NT5DC1: variants seen among roughly 807,000 people sequenced by gnomAD.
NT5DC1 encodes 5'-nucleotidase domain-containing protein 1.
A neutral mutation model predicts 59.4 loss-of-function variants in NT5DC1; 42 were observed. The observed-to-expected ratio is 0.71, with a 90% CI of 0.55 to 0.92. NT5DC1 has a LOEUF of 0.92. Ranked by LOEUF, NT5DC1 falls within the 40% of genes least tolerant of loss-of-function variation. The probability of loss-of-function intolerance (pLI) is 0.00; values close to 1 mark genes in which losing one functional copy is unlikely to be tolerated. For synonymous variants in NT5DC1, 172 were observed against 188.1 expected, an observed-to-expected ratio of 0.91 and a Z score of 0.70; for missense variants, 501 against 537.1, an observed-to-expected ratio of 0.93 and a Z score of 0.66.
rs536698025 is a variant in NT5DC1 at position 116,234,399 on chromosome 6, G to A, written c.803-2567G>A. Among the ~76,000 whole-genome samples the A allele has an allele frequency of 9.2e-5, 14 of 152,200 alleles. No homozygotes were observed. In the East Asian group the frequency reaches 2.7e-3, roughly 29 times the overall value. On this transcript the variant is annotated intron_variant, in intron 8 of 11. Transcript: ENST00000319550. ...TCTGTCACCCAGTGGGGAGTGTGGT[G>A]ACATGATCTCGGCTCACTGAAACCT... is the stretch of plus-strand genomic sequence containing the variant.
At chr6:116,243,520 T>C (rs149847570) in intron 11 of NT5DC1, among the ~76,000 whole-genome samples, 7 of 152,336 alleles carry the variant, frequency 4.6e-5, no homozygotes, top group Non-Finnish European at 8.8e-5. Flanking sequence ...AGAATAAAAT[T>C]AAATTGTTTT....
chr6:116,104,506 T>A (rs1778732664), intron 1 of NT5DC1, among the ~76,000 whole-genome samples: 1 of 152,230 alleles, frequency 6.6e-6, no homozygotes, highest in Non-Finnish European at 1.5e-5. Context: ...AATTGTTAAC[T>A]ATTCAGGAAT....
intron 6 of NT5DC1, among the ~76,000 whole-genome samples, chr6:116,154,972 T>C (rs1780147832): frequency 6.6e-6 from 1 of 152,312 alleles, no homozygotes; most frequent in East Asian, 1.9e-4. Context: ...AACCACATTG[T>C]TCTTTCTGTT....
intron 4 of NT5DC1, among the ~76,000 whole-genome samples, chr6:116,112,386 A>G (rs1056788708): frequency 4.6e-5 from 7 of 152,206 alleles, no homozygotes; most frequent in Admixed American, 1.3e-4. Context: ...CCACAGCCCA[A>G]TTAAAGTTTG....
At chr6:116,118,236 T>C in intron 6 of NT5DC1, 1 of 405,600 alleles carries the variant, frequency 2.5e-6, no homozygotes, top group Non-Finnish European at 4.5e-6. Flanking sequence ...TTTTGCTTTT[T>C]CATGGCCTGG....
intron 8 of NT5DC1, among the ~76,000 whole-genome samples, chr6:116,226,970 T>TG (rs1781923323): frequency 1.3e-5 from 2 of 152,174 alleles, no homozygotes; most frequent in African/African-American, 4.8e-5. Flanking sequence ...TTATCATTTT[T>TG]TGTGTGTGTG....
intron 6 of NT5DC1, among the ~76,000 whole-genome samples, chr6:116,192,905 A>C (rs1434230090): frequency 6.6e-6 from 1 of 152,018 alleles, no homozygotes; most frequent in East Asian, 1.9e-4. Flanking sequence ...AGCAGACCCC[A>C]GTTGTCCTGA....
chr6:116,210,037 G>A (rs923429111), intron 6 of NT5DC1, among the ~76,000 whole-genome samples: 1 of 151,976 alleles, frequency 6.6e-6, no homozygotes, highest in Non-Finnish European at 1.5e-5. Flanking sequence ...AGCAAAATAT[G>A]TGGTGGCTAC....
chr6:116,236,423 C>T (rs1367064727), intron 8 of NT5DC1, among the ~76,000 whole-genome samples: 5 of 152,140 alleles, frequency 3.3e-5, no homozygotes, highest in African/African-American at 1.2e-4. Context: ...GAGAGGACAA[C>T]TTGGAATGGT....
chr6:116,133,133 A>G (rs1779509877), intron 6 of NT5DC1, among the ~76,000 whole-genome samples: 1 of 152,220 alleles, frequency 6.6e-6, no homozygotes, highest in Non-Finnish European at 1.5e-5. Context: ...TGAAGAGCTC[A>G]TAGTTTCGTG....
At chr6:116,218,393 T>A (rs932823377) in intron 6 of NT5DC1, among the ~76,000 whole-genome samples, 1 of 152,116 alleles carries the variant, frequency 6.6e-6, no homozygotes. Flanking sequence ...ACACTATAAA[T>A]TTTTTTCTTA....
intron 6 of NT5DC1, among the ~76,000 whole-genome samples, chr6:116,200,566 A>C (rs1365593112): frequency 6.6e-6 from 1 of 152,070 alleles, no homozygotes; most frequent in Non-Finnish European, 1.5e-5. Context: ...TATTTTAAAA[A>C]GCATAGCTAA....
At chr6:116,168,636 T>C (rs1780533816) in intron 6 of NT5DC1, among the ~76,000 whole-genome samples, 1 of 152,134 alleles carries the variant, frequency 6.6e-6, no homozygotes, top group Non-Finnish European at 1.5e-5. Flanking sequence ...TGATTGTTTG[T>C]TTTGTTTTTA....
At chr6:116,135,028 T>G (rs2114342682) in intron 6 of NT5DC1, among the ~76,000 whole-genome samples, 1 of 152,284 alleles carries the variant, frequency 6.6e-6, no homozygotes, top group East Asian at 1.9e-4. Flanking sequence ...ACTTTCCCAT[T>G]ATCTTTTACT....
At chr6:116,234,754 TA>T (rs766818976) in intron 8 of NT5DC1, among the ~76,000 whole-genome samples, 4 of 152,248 alleles carry the variant, frequency 2.6e-5, no homozygotes, top group Non-Finnish European at 5.9e-5. Context: ...TTTGGGTTTA[TA>T]AACACTGTGC....
At chr6:116,232,766 T>C (rs1782043370) in intron 8 of NT5DC1, among the ~76,000 whole-genome samples, 1 of 152,154 alleles carries the variant, frequency 6.6e-6, no homozygotes, top group East Asian at 1.9e-4. Flanking sequence ...GTCAAAAACT[T>C]TACTGTTTTT....
chr6:116,213,415 C>T (rs1205687401), intron 6 of NT5DC1, among the ~76,000 whole-genome samples: 1 of 152,120 alleles, frequency 6.6e-6, no homozygotes, highest in Non-Finnish European at 1.5e-5. Context: ...TGGCACATGA[C>T]TTCCAACAGG....
chr6:116,238,256 G>C lies in NT5DC1; in HGVS notation c.991G>C (p.Val331Leu). ...PARHYSNWET[V>L]LILEELRGDE... ...TCGTCACTATAGTAATTGGGAGACA[G>C]TCCTCATCCTGGAAGAACTCAGAGG... The change falls in exon 10 of 12, where the codon GTC (valine) becomes CTC (leucine). Residue 331 changes from valine to leucine, a missense_variant. Physicochemically the swap from Val to Leu is conservative, Grantham distance 32 (BLOSUM62 1). Coordinates refer to ENST00000319550, the MANE Select transcript of NT5DC1 (RefSeq NM_152729.3). 6.2e-7 allele frequency: 1 copy of C among 1,612,530 alleles called. No homozygotes were observed. Among genetic ancestry groups the C allele is most frequent in the Non-Finnish European group, 8.5e-7 (1 of 1,178,840 alleles).
At chr6:116,196,603 T>A (rs1474201676) in intron 6 of NT5DC1, among the ~76,000 whole-genome samples, 8 of 152,050 alleles carry the variant, frequency 5.3e-5, no homozygotes. Flanking sequence ...ATATAGAAAG[T>A]TGAGGTCAGG....
Sources: allele counts gnomAD v4.1 joint callset (sites outside exome capture counted in the v4.1 genomes callset), GRCh38; gene constraint gnomAD v4.1.1; transcripts MANE v1.5; gene names NCBI Gene and HGNC (gene_info 2026-07-23, HGNC 2026-07-21).